NUP205: variants seen among roughly 807,000 people sequenced by gnomAD.
NUP205 encodes nucleoporin 205, also known as nuclear pore complex protein Nup205.
A neutral mutation model predicts 253.8 loss-of-function variants in NUP205; 76 were observed. That is an observed-to-expected ratio of 0.30 (90% CI 0.25 to 0.36). The LOEUF (loss-of-function observed/expected upper bound fraction) is 0.36, where lower values mean the gene tolerates loss of function less well. NUP205 is among the 10% of genes least tolerant of loss of function. The probability of loss-of-function intolerance (pLI) is 1.00; values close to 1 mark genes in which losing one functional copy is unlikely to be tolerated. For synonymous variants in NUP205, 832 were observed against 850.1 expected (o/e 0.98, Z 0.37); for missense variants, 2,162 against 2,425.5 (o/e 0.89, Z 2.28).
At chr7:135,628,878 C>A (rs1433044797) in intron 34 of NUP205, among the ~76,000 whole-genome samples, 1 of 152,212 alleles carries the variant, frequency 6.6e-6, no homozygotes, top group Non-Finnish European at 1.5e-5. Flanking sequence ...TCATAGCAAT[C>A]TGGGTTGACG....
Position 135,612,451 on chromosome 7 carries a change from G to A in NUP205, c.3196-1708G>A, listed in dbSNP as rs563777606. The stretch of plus-strand genomic sequence containing the variant: ...TCTAATGTAGTATTTTATCTTAAAG[G>A]CATATCACAGCCTTTTTGCACTTAG... On this transcript the variant is annotated intron_variant, in intron 22 of 42. Coordinates refer to ENST00000285968, the MANE Select transcript of NUP205 (RefSeq NM_015135.3). Among the ~76,000 whole-genome samples, 11 of 152,242 alleles carry A rather than the reference G, an allele frequency of 7.2e-5. No homozygotes were observed. In the South Asian group the frequency reaches 2.3e-3, roughly 32 times the overall value.
At chr7:135,571,998 C>G (rs186938733) in intron 2 of NUP205, among the ~76,000 whole-genome samples, 127 of 152,246 alleles carry the variant, frequency 8.3e-4, no homozygotes, top group African/African-American at 3.0e-3. Context: ...TCCTAAGTAG[C>G]TGGGACTACA....
intron 7 of NUP205, among the ~76,000 whole-genome samples, chr7:135,580,154 C>T (rs6467599): frequency 0.17 from 25,186 of 152,100 alleles, 2,362 homozygotes; most frequent in East Asian, 0.23. Context: ...TTTTCTAATC[C>T]TAAAGTATCA....
intron 21 of NUP205, 38 bp from the exon 22 acceptor site, chr7:135,607,209 C>T (rs1794104249): frequency 6.2e-7 from 1 of 1,602,292 alleles, no homozygotes; most frequent in African/African-American, 1.3e-5. Flanking sequence ...TGCAGCAATT[C>T]TAAAAGAAAA....
Position 135,588,404 on chromosome 7 carries a change from G to A in NUP205, c.1473+412G>A, listed in dbSNP as rs572546680. ...GTCCATCTGCCTCGGCCCTCCCAAC[G>A]TGCTGGATTTACAGGCATGAGCTAC... On this transcript the variant is annotated intron_variant, in intron 10 of 42. Transcript: ENST00000285968. Among the ~76,000 whole-genome samples, 197 of 150,838 alleles carry A rather than the reference G, an allele frequency of 1.3e-3. 7 individuals are homozygous for A. The highest frequency in any genetic ancestry group is 4.6e-3 in the African/African-American group (187 of 41,028).
At position 135,577,100 on chromosome 7, in the gene NUP205, G is replaced by C; in HGVS notation, c.620G>C (p.Gly207Ala). 1 of 1,612,972 alleles carries C rather than the reference G, an allele frequency of 6.2e-7. No homozygotes were observed. Among genetic ancestry groups the C allele is most frequent in the Non-Finnish European group, 8.5e-7 (1 of 1,179,736 alleles). ...NEFEKLQRER[G>A]LGSEKHRKEV... is the part of the protein sequence containing the mutation. ...TTTGAGAAACTACAGCGAGAGAGAGGTTTGGGCAGTGAAAAACATCGCAAA... is the reference window on the plus strand; with the variant it reads ...TTTGAGAAACTACAGCGAGAGAGAGCTTTGGGCAGTGAAAAACATCGCAAA... Residue 207 changes from glycine (G) to alanine (A), a missense_variant, in exon 5 of 43, where the codon GGT becomes GCT. Around this residue, in one of 5 missense-constraint regions of NUP205, gnomAD observed 892 missense variants for 957.1 expected, o/e 0.93. Transcript: ENST00000285968.
chr7:135,572,687 G>A (rs1806031116), intron 2 of NUP205, among the ~76,000 whole-genome samples: 1 of 152,172 alleles, frequency 6.6e-6, no homozygotes. Flanking sequence ...AGCCTCCAGA[G>A]TAGCTGGATT....
intron 8 of NUP205, among the ~76,000 whole-genome samples, chr7:135,585,976 G>A (rs982352960): frequency 2.0e-5 from 3 of 152,210 alleles, no homozygotes; most frequent in Non-Finnish European, 2.9e-5. Flanking sequence ...CATCTGAAAA[G>A]CGATTCTTAG....
At chr7:135,631,304 T>C (rs75029729) in intron 35 of NUP205, among the ~76,000 whole-genome samples, 5,978 of 152,276 alleles carry the variant, frequency 0.039, 231 homozygotes, top group African/African-American at 0.098. Context: ...AAAAATCTAA[T>C]TGAAGAGAAA....
chr7:135,632,984 G>C lies in NUP205; in HGVS notation c.5059+2514G>C, dbSNP rs573014259. 2.7e-3 allele frequency among the ~76,000 whole-genome samples: 417 copies of C among 151,732 alleles called. 1 individual carries two copies. Among genetic ancestry groups the C allele is most frequent in the Non-Finnish European group, 4.9e-3 (330 of 67,940 alleles). The stretch of plus-strand genomic sequence containing the variant: ...TTTGTTTTTGTTTTTATTTTTGGGG[G>C]GACAGGGTCTCACTCTTGTCACCCA... On this transcript the variant is annotated intron_variant, in intron 35 of 42. Transcript: ENST00000285968.
intron 3 of NUP205, among the ~76,000 whole-genome samples, chr7:135,574,127 C>T (rs1487625708): frequency 6.6e-6 from 1 of 152,114 alleles, no homozygotes; most frequent in East Asian, 1.9e-4. Flanking sequence ...CATGTGCCAC[C>T]ATGCCCGGCT....
At chr7:135,594,272 G>T (rs780310260) in intron 12 of NUP205, among the ~76,000 whole-genome samples, 2 of 151,740 alleles carry the variant, frequency 1.3e-5, no homozygotes, top group Admixed American at 1.3e-4. Context: ...CAACCCTTGC[G>T]GACCATTTAT....
rs775209815 is a variant in NUP205, at chr7:135,557,944, G to A, written c.-1G>A. 1.2e-5 allele frequency: 19 copies of A among 1,613,752 alleles called. No individual in the cohort carries two copies. The highest frequency in any genetic ancestry group is 1.5e-5 in the Non-Finnish European group (18 of 1,179,598). ...AAGGGCTCTGTTAGTGCGCCTCTAA[G>A]ATGGCGACGCCTTTGGCGGTAAATT... On this transcript the variant is annotated 5_prime_UTR_variant, in exon 1 of 43. Coordinates refer to ENST00000285968, the MANE Select transcript of NUP205 (RefSeq NM_015135.3).
At position 135,636,357 on chromosome 7, in the gene NUP205, G is replaced by A. The variant is rs4489266; in HGVS notation, c.5136+700G>A. Among the ~76,000 whole-genome samples, 1,154 of 152,124 alleles carry A rather than the reference G, an allele frequency of 7.6e-3. 16 individuals are homozygous for A. The highest frequency in any genetic ancestry group is 0.026 in the African/African-American group (1,091 of 41,500). ...TTTCATAAGAAAAATGCTACTATTA[G>A]CATTTTTGTGTACATATTTTACTCT... On this transcript the variant is annotated intron_variant, in intron 36 of 42. Coordinates refer to ENST00000285968, the MANE Select transcript of NUP205 (RefSeq NM_015135.3).
chr7:135,567,172 A>C (rs79479507), intron 1 of NUP205, among the ~76,000 whole-genome samples: 3,719 of 106,594 alleles, frequency 0.035, 439 homozygotes, highest in South Asian at 0.1. Context: ...ATATATATAT[A>C]TATATATATG....
At chr7:135,608,908 C>T (rs924271533) in intron 22 of NUP205, among the ~76,000 whole-genome samples, 1 of 151,718 alleles carries the variant, frequency 6.6e-6, no homozygotes, top group African/African-American at 2.4e-5. Flanking sequence ...AGAGACCAGC[C>T]TGGCCAACAT....
chr7:135,570,544 G>T (rs991115555), intron 1 of NUP205, among the ~76,000 whole-genome samples: 5 of 150,340 alleles, frequency 3.3e-5, no homozygotes, highest in African/African-American at 7.4e-5. Context: ...TAGTAAGTCA[G>T]ATAAAGTGAT....
chr7:135,586,556 A>G (rs1053058633), intron 8 of NUP205, among the ~76,000 whole-genome samples: 1 of 152,196 alleles, frequency 6.6e-6, no homozygotes, highest in Non-Finnish European at 1.5e-5. Flanking sequence ...TGAGCATTTA[A>G]TAATGCTATA....
At position 135,587,905 on chromosome 7, in the gene NUP205, A is replaced by G; in HGVS notation, c.1386A>G (p.Glu462=). The change falls in exon 10 of 43, where the codon GAA becomes GAG. Residue 462 remains glutamate, a synonymous_variant. Coordinates refer to ENST00000285968, the MANE Select transcript of NUP205 (RefSeq NM_015135.3). ...KNPFHLELAL[E]YWCPTEPLQT... Reference sequence around the variant, plus strand: ...CTTTTCATCTGGAGCTTGCTCTAGAATATTGGTGTCCCACAGAGCCTCTTC... The same window carrying G: ...CTTTTCATCTGGAGCTTGCTCTAGAGTATTGGTGTCCCACAGAGCCTCTTC... The G allele has an allele frequency of 1.2e-6, 2 of 1,613,856 alleles. No individual in the cohort carries two copies. Among genetic ancestry groups the G allele is most frequent in the South Asian group, 1.1e-5 (1 of 91,074 alleles).
Sources: gnomAD v4.1 joint callset for allele counts (sites outside exome capture counted in the v4.1 genomes callset) on GRCh38, gnomAD v4.1.1 for gene constraint, gnomAD v4.1.1 regional missense constraint, MANE v1.5 for transcripts, NCBI Gene and HGNC (gene_info 2026-07-23, HGNC 2026-07-21) for gene names.